MAP3K3: variants seen among roughly 807,000 people sequenced by gnomAD.
The protein encoded by MAP3K3 is MAP/ERK kinase kinase 3.
MAP3K3 carries 12 observed loss-of-function variants against 80.9 expected under a neutral mutation model. The ratio of observed to expected loss-of-function variants is 0.15; its 90% CI spans 0.10 to 0.24. MAP3K3 has a LOEUF of 0.24. Ranked by LOEUF, MAP3K3 falls within the 10% of genes least tolerant of loss-of-function variation. The pLI, the probability that MAP3K3 is intolerant of heterozygous loss-of-function variation, is 1.00. For synonymous variants in MAP3K3, 272 were observed against 307.1 expected (o/e 0.89, Z 1.19); for missense variants, 596 against 834.7 (o/e 0.71, Z 3.52).
chr17:63,659,681 C>T (rs932845930), intron 5 of MAP3K3, among the ~76,000 whole-genome samples: 3 of 151,512 alleles, frequency 2.0e-5, no homozygotes, highest in African/African-American at 7.3e-5. Context: ...TACAGGTGCA[C>T]GACACCACGC....
intron 6 of MAP3K3, among the ~76,000 whole-genome samples, chr17:63,675,054 T>A (rs562999190): frequency 6.6e-6 from 1 of 152,324 alleles, no homozygotes; most frequent in East Asian, 1.9e-4. Flanking sequence ...AAAGGTTTTT[T>A]TTCCCTCCTT....
Position 63,667,207 on chromosome 17 carries a change from A to T in MAP3K3, c.502+147A>T, listed in dbSNP as rs1034221113. ...AATCCTTTATGCCTTTATTTTATTT[A>T]GAGAGGAAGGGCAAAGAAATAACTG... On this transcript the variant is annotated intron_variant, in intron 6 of 15. Coordinates refer to ENST00000361733, the MANE Select transcript of MAP3K3 (RefSeq NM_002401.5). 9 of 898,182 alleles carry T rather than the reference A, an allele frequency of 1.0e-5. No homozygotes were observed. The Admixed American group carries it at 1.9e-4, about 19-fold the overall frequency. The allele number at this position is 898,182 out of a possible 1,614,324, so 55.6% of individuals were successfully genotyped here.
Position 63,657,895 on chromosome 17 carries a change from G to C in MAP3K3, c.369G>C (p.Gln123His). The C allele has an allele frequency of 6.3e-7, 1 of 1,587,190 alleles. No individual in the cohort carries two copies. Among genetic ancestry groups the C allele is most frequent in the Non-Finnish European group, 8.6e-7 (1 of 1,159,538 alleles). Residue 123 changes from glutamine (Q) to histidine (H), a missense_variant, in exon 5 of 16, where the codon CAG (glutamine) becomes CAC (histidine). This residue lies in a region of MAP3K3 where 232 missense variants were observed against 245.8 expected (regional missense o/e 0.94). Coordinates refer to ENST00000361733, the MANE Select transcript of MAP3K3 (RefSeq NM_002401.5). ...GCCTTAGGATATTGCTGTTGTCCCA[G>C]GACAGAAACCATGTAAGTAGCCCTT... The part of the protein sequence containing the change: ...MKSLRILLLS[Q>H]DRNHNSSSPH...
chr17:63,651,377 GCAGGAGGATTGCGTGAGCCC>G (rs1174821510), intron 3 of MAP3K3, among the ~76,000 whole-genome samples: 1 of 152,098 alleles, frequency 6.6e-6, no homozygotes, highest in Non-Finnish European at 1.5e-5. Context: ...GGAAGCTGAG[GCAGGAGGATTGCGTGAGCCC>G]CAGAGGTTGA....
At chr17:63,650,656 T>TAG (rs1491589542) in intron 3 of MAP3K3, among the ~76,000 whole-genome samples, 2 of 122,052 alleles carry the variant, frequency 1.6e-5, no homozygotes, top group Admixed American at 8.0e-5. Flanking sequence ...CTCTGTCTCT[T>TAG]ATAGAGAGAG....
chr17:63,625,445 G>A (rs1350732339), intron 1 of MAP3K3, among the ~76,000 whole-genome samples: 2 of 152,134 alleles, frequency 1.3e-5, no homozygotes, highest in Non-Finnish European at 2.9e-5. Flanking sequence ...TATAAACGCA[G>A]TCTGAAACTT....
intron 5 of MAP3K3, among the ~76,000 whole-genome samples, chr17:63,664,246 CAAAAAA>C (rs60599826): frequency 1.4e-5 from 1 of 72,532 alleles, no homozygotes; most frequent in Non-Finnish European, 2.8e-5. Flanking sequence ...GACTCCGTCT[CAAAAAA>C]AAAAAAAAAA....
chr17:63,632,257 C>T (rs576067318), intron 1 of MAP3K3, among the ~76,000 whole-genome samples: 5 of 152,046 alleles, frequency 3.3e-5, no homozygotes, highest in East Asian at 3.9e-4. Flanking sequence ...TTTGGGAGGC[C>T]GAGGCAGGAG....
chr17:63,631,077 A>G (rs1386951763), intron 1 of MAP3K3, among the ~76,000 whole-genome samples: 1 of 152,166 alleles, frequency 6.6e-6, no homozygotes, highest in Non-Finnish European at 1.5e-5. Context: ...GCTTGAGCTC[A>G]GGTGTTTGAA....
intron 2 of MAP3K3, among the ~76,000 whole-genome samples, chr17:63,642,711 A>G (rs769965231): frequency 7.2e-5 from 11 of 152,104 alleles, no homozygotes; most frequent in Non-Finnish European, 1.3e-4. Context: ...GAAAGCTGTT[A>G]TGTGTGTGTG....
Position 63,681,851 on chromosome 17 carries a change from C to T in MAP3K3, c.588C>T (p.Thr196=). 1.9e-6 allele frequency: 3 copies of T among 1,542,898 alleles called. No homozygotes were observed. The highest frequency in any genetic ancestry group is 2.6e-6 in the Non-Finnish European group (3 of 1,139,660). The change falls in exon 7 of 16, where the codon ACC becomes ACT. Residue 196 remains threonine (T), a synonymous_variant. Transcript: ENST00000361733. ...ACATTGCCCGGCAGGGGTCCTACAC[C>T]AGCATCAACAGTGAGGGGGAGTTCA... ...QQHIARQGSY[T]SINSEGEFIP... is the part of the protein sequence containing the mutation.
chr17:63,636,925 T>A, intron 2 of MAP3K3: 2 of 526,288 alleles, frequency 3.8e-6, no homozygotes, highest in Non-Finnish European at 7.2e-6. Context: ...CTGTATGCGC[T>A]TCATCCAGCT....
At chr17:63,642,709 TTA>T (rs1034157146) in intron 2 of MAP3K3, among the ~76,000 whole-genome samples, 2 of 151,934 alleles carry the variant, frequency 1.3e-5, no homozygotes, top group Non-Finnish European at 2.9e-5. Context: ...ATGAAAGCTG[TTA>T]TGTGTGTGTG....
intron 6 of MAP3K3, among the ~76,000 whole-genome samples, chr17:63,679,036 A>T (rs1318718721): frequency 6.6e-6 from 1 of 152,210 alleles, no homozygotes; most frequent in African/African-American, 2.4e-5. Flanking sequence ...CTCAAAAAAA[A>T]GAGTCAGTGT....
Position 63,646,017 on chromosome 17 carries a change from A to G in MAP3K3, c.127-17A>G, listed in dbSNP as rs757622671. 21 of 1,612,322 alleles carry G rather than the reference A, an allele frequency of 1.3e-5. No individual in the cohort carries two copies. In the South Asian group the frequency reaches 1.3e-4, roughly 10 times the overall value. On this transcript the variant is annotated splice_polypyrimidine_tract_variant and intron_variant, in intron 2 of 15. Coordinates refer to ENST00000361733, the MANE Select transcript of MAP3K3 (RefSeq NM_002401.5). Reference sequence around the variant, plus strand: ...TTCCAGAGAATTCTCTAACCTGTCTATCATTCTTTTTGGCAGAGTGACGTC... The same window carrying G: ...TTCCAGAGAATTCTCTAACCTGTCTGTCATTCTTTTTGGCAGAGTGACGTC...
At chr17:63,661,642 G>A (rs376304594) in intron 5 of MAP3K3, among the ~76,000 whole-genome samples, 5 of 152,146 alleles carry the variant, frequency 3.3e-5, no homozygotes, top group African/African-American at 7.2e-5. Context: ...CCTCATATTC[G>A]CGTTGACAAA....
intron 6 of MAP3K3, among the ~76,000 whole-genome samples, chr17:63,681,028 A>G (rs2035321149): frequency 6.6e-6 from 1 of 152,016 alleles, no homozygotes; most frequent in East Asian, 1.9e-4. Flanking sequence ...TGAATGTGTA[A>G]CAAAAAGTAA....
chr17:63,680,528 T>C (rs2035308355), intron 6 of MAP3K3, among the ~76,000 whole-genome samples: 1 of 152,226 alleles, frequency 6.6e-6, no homozygotes, highest in African/African-American at 2.4e-5. Context: ...TTTTGTCTTC[T>C]CTGATCATGG....
At chr17:63,632,998 C>T (rs2143181192) in intron 2 of MAP3K3, among the ~76,000 whole-genome samples, 196 bp downstream of exon 2, 1 of 152,260 alleles carries the variant, frequency 6.6e-6, no homozygotes, top group Middle Eastern at 3.4e-3. Flanking sequence ...GAGGCCGAGG[C>T]AGGCGGATCA....
Sources: gnomAD v4.1 joint callset for allele counts (sites outside exome capture counted in the v4.1 genomes callset) on GRCh38, gnomAD v4.1.1 for gene constraint, gnomAD v4.1.1 regional missense constraint, MANE v1.5 for transcripts, NCBI Gene and HGNC (gene_info 2026-07-23, HGNC 2026-07-21) for gene names.